The following PCNX2 variants were observed in gnomAD, a reference collection of about 807,000 sequenced individuals.
PCNX2 encodes pecanex-like protein 2.
PCNX2 carries 168 observed loss-of-function variants against 223.8 expected under a neutral mutation model. The observed-to-expected ratio is 0.75, with a 90% confidence interval of 0.66 to 0.85. PCNX2 has a LOEUF of 0.85. Ranked by LOEUF, PCNX2 falls within the 40% of genes least tolerant of loss-of-function variation. The probability of loss-of-function intolerance (pLI) is 0.00; values close to 1 mark genes in which losing one functional copy is unlikely to be tolerated. For missense variants in PCNX2, 2,507 were observed against 2,675.5 expected (o/e 0.94, Z 1.39); for synonymous variants, 1,006 against 1,052.6 (o/e 0.96, Z 0.86).
chr1:233,220,043 C>T (rs1319030159), intron 10 of PCNX2, among the ~76,000 whole-genome samples: 1 of 152,196 alleles, frequency 6.6e-6, no homozygotes, highest in African/African-American at 2.4e-5. Context: ...CGGTATGTAG[C>T]CTTTGCATAT....
At chr1:232,992,217 C>G (rs563898101) in intron 32 of PCNX2, among the ~76,000 whole-genome samples, 1 of 152,336 alleles carries the variant, frequency 6.6e-6, no homozygotes, top group East Asian at 1.9e-4. Context: ...TGCCTTCTTT[C>G]CTCAGCATGT....
chr1:233,232,383 G>A (rs1308277763), intron 9 of PCNX2, among the ~76,000 whole-genome samples: 2 of 152,152 alleles, frequency 1.3e-5, no homozygotes, highest in Non-Finnish European at 2.9e-5. Flanking sequence ...AGGCAGGCCA[G>A]GGTAAGCTAT....
intron 1 of PCNX2, chr1:233,290,861 A>G (rs887160963): frequency 3.0e-5 from 30 of 985,346 alleles, no homozygotes; most frequent in Non-Finnish European, 3.4e-5. Context: ...CTTTCTGTCC[A>G]CAAGCGGGGA....
chr1:233,325,086 G>C, the PCNX2 span, among the ~76,000 whole-genome samples: 2 of 152,128 alleles, frequency 1.3e-5, no homozygotes, highest in Non-Finnish European at 2.9e-5. Flanking sequence ...AAGTCACTTT[G>C]ACTTTTAAGT....
intron 17 of PCNX2, among the ~76,000 whole-genome samples, chr1:233,169,808 A>C (rs995842786): frequency 6.6e-6 from 1 of 152,024 alleles, no homozygotes; most frequent in African/African-American, 2.4e-5. Flanking sequence ...TCTGATCAAA[A>C]ATCCTTCTCT....
rs71173252 is a variant in PCNX2, at chr1:233,144,953, G to GT, written c.3518-5099dup. Among the ~76,000 whole-genome samples, 188 of 137,136 alleles carry GT rather than the reference G, an allele frequency of 1.4e-3. 1 individual carries two copies. The East Asian group carries it at 0.02, about 15-fold the overall frequency. The allele number at this position is 137,136 out of a possible 152,430, so 90.0% of individuals were successfully genotyped here. On this transcript the variant is annotated intron_variant, in intron 19 of 33. Coordinates refer to ENST00000258229, the MANE Select transcript of PCNX2 (RefSeq NM_014801.4). ...TGCTATTTGTTGTTGTTGTTGTTTT[G>GT]TTTTTTTTTTTTGTTTCTTTTTTTT...
At chr1:233,106,542 C>T (rs182771957) in intron 21 of PCNX2, among the ~76,000 whole-genome samples, 18 of 151,886 alleles carry the variant, frequency 1.2e-4, no homozygotes, top group South Asian at 2.1e-4. Flanking sequence ...TTAGTAGAGA[C>T]GGGGTTTCAC....
chr1:233,080,413 C>T (rs955147259), intron 23 of PCNX2, among the ~76,000 whole-genome samples: 1 of 151,908 alleles, frequency 6.6e-6, no homozygotes, highest in Non-Finnish European at 1.5e-5. Flanking sequence ...CACACACACA[C>T]ACACACACAC....
chr1:233,025,612 T>C (rs1343768846), intron 25 of PCNX2: 9 of 616,552 alleles, frequency 1.5e-5, no homozygotes, highest in Non-Finnish European at 2.2e-5. Context: ...TGAGTCTCTG[T>C]AGAAAATATA....
chr1:233,299,575 C>CA (rs1161298891), upstream of PCNX2, among the ~76,000 whole-genome samples: 1 of 152,168 alleles, frequency 6.6e-6, no homozygotes, highest in Non-Finnish European at 1.5e-5. Context: ...AGCCACAAGC[C>CA]AGAGGTTGGC....
rs552214795 is a variant in PCNX2, at chr1:233,228,551, A to G, written c.2359-1180T>C. On this transcript the variant is annotated intron_variant, in intron 9 of 33. Transcript: ENST00000258229. ...TTAGGTACCTCATGTAAGTGAGATC[A>G]CACAGTAGTTGAACCTTTTTGTGAC... Among the ~76,000 whole-genome samples, 14 of 152,230 alleles carry G rather than the reference A, an allele frequency of 9.2e-5. No homozygotes were observed. The South Asian group carries it at 1.5e-3, about 16-fold the overall frequency.
chr1:233,118,491 C>CAA (rs35378781), intron 21 of PCNX2, among the ~76,000 whole-genome samples: 4,782 of 94,314 alleles, frequency 0.051, 168 homozygotes, highest in African/African-American at 0.11. Flanking sequence ...AAGGCACCTA[C>CAA]AAAAAAAAAA....
At chr1:233,295,748 A>C (rs948117161), upstream of PCNX2, 186 of 346,394 alleles carry the variant, frequency 5.4e-4, no homozygotes, top group South Asian at 8.3e-4. This position sits in a 1 kb window ranked among gnomAD's most constrained non-coding sequence, Gnocchi z 4.1. Context: ...CATCGTGCTC[A>C]GAGGCGGCTG....
rs1263159295 is a variant in PCNX2, at chr1:233,016,937, G to A, written c.4823C>T (p.Ala1608Val). ...NVYLEWIQHC[A>V]RKRQEPSTTL... ...CTGACCTACCTCTTGTCTTTTCCGT[G>A]CACAGTGTTGAATCCATTCTAGATA... is the stretch of plus-strand genomic sequence containing the variant. The change falls in exon 27 of 34, where the codon GCA (alanine) becomes GTA (valine). Residue 1608 changes from alanine (A) to valine (V), a missense_variant. This residue lies in a region of PCNX2 where 1,372 missense variants were observed against 1,509.4 expected (regional missense o/e 0.91). Coordinates refer to ENST00000258229, the MANE Select transcript of PCNX2 (RefSeq NM_014801.4). 3.1e-6 allele frequency: 5 copies of A among 1,604,774 alleles called. No homozygotes were observed. The highest frequency in any genetic ancestry group is 1.1e-5 in the South Asian group (1 of 90,914).
chr1:233,088,282 C>G (rs1673700922), intron 23 of PCNX2, among the ~76,000 whole-genome samples: 1 of 152,130 alleles, frequency 6.6e-6, no homozygotes. Flanking sequence ...AAGACGGATT[C>G]CCTATCTGAG....
At chr1:233,077,854 T>C (rs1673167372) in intron 23 of PCNX2, among the ~76,000 whole-genome samples, 1 of 151,984 alleles carries the variant, frequency 6.6e-6, no homozygotes, top group South Asian at 2.1e-4. Context: ...CTATTTAGTT[T>C]ACAGGGAGAG....
chr1:233,324,072 G>A, the PCNX2 span, among the ~76,000 whole-genome samples: 1 of 152,242 alleles, frequency 6.6e-6, no homozygotes, highest in African/African-American at 2.4e-5. Context: ...AAAAGATCAA[G>A]CCAGCTACAA....
At chr1:233,293,986 T>G (rs1661923690) in intron 1 of PCNX2, 1 of 985,202 alleles carries the variant, frequency 1.0e-6, no homozygotes, top group South Asian at 4.7e-5. Flanking sequence ...AAAGAAGAAA[T>G]AAACTTGCAT....
chr1:233,142,440 T>C lies in PCNX2; in HGVS notation c.3518-2585A>G, dbSNP rs1677186881. 2.0e-5 allele frequency among the ~76,000 whole-genome samples: 3 copies of C among 152,322 alleles called. No homozygotes were observed. The South Asian group carries it at 6.2e-4, about 32-fold the overall frequency. ...CTCCTGAAGCCAAGCTCCATCCATGTCCTGCATCCTGTGCTCCTGCCATCT... is the reference window on the plus strand; with the variant it reads ...CTCCTGAAGCCAAGCTCCATCCATGCCCTGCATCCTGTGCTCCTGCCATCT... On this transcript the variant is annotated intron_variant, in intron 19 of 33. Coordinates refer to ENST00000258229, the MANE Select transcript of PCNX2 (RefSeq NM_014801.4).
Sources: gnomAD v4.1 joint callset for allele counts (sites outside exome capture counted in the v4.1 genomes callset) on GRCh38, gnomAD v4.1.1 for gene constraint, gnomAD v4.1.1 regional missense constraint, Gnocchi (gnomAD v3.1) non-coding constraint, MANE v1.5 for transcripts, NCBI Gene and HGNC (gene_info 2026-07-23, HGNC 2026-07-21) for gene names.